The following ZNG1A variants were observed in gnomAD, a reference collection of about 807,000 sequenced individuals.
ZNG1A encodes zinc-regulated GTPase metalloprotein activator 1A.
chr9:146,175 T>C, the ZNG1A span: 5 of 1,581,846 alleles, frequency 3.2e-6, no homozygotes, highest in Non-Finnish European at 4.3e-6. Context: ...GGAAGAAAAC[T>C]AACGTGAGCA....
At chr9:122,295 A>T in the ZNG1A span, 3 of 1,429,374 alleles carry the variant, frequency 2.1e-6, no homozygotes, top group South Asian at 4.6e-5. Context: ...GTTTCTGTGT[A>T]TTGATTTTCT....
At chr9:173,431 G>A in the ZNG1A span, 2 of 1,605,100 alleles carry the variant, frequency 1.2e-6, no homozygotes. Flanking sequence ...ACAAAGATGA[G>A]GATAACTCAA....
At chr9:145,190 T>C in the ZNG1A span, among the ~76,000 whole-genome samples, 2 of 151,720 alleles carry the variant, frequency 1.3e-5, no homozygotes, top group African/African-American at 4.9e-5. Flanking sequence ...AGCCATCCCA[T>C]TACTGGGTAT....
the ZNG1A span, chr9:163,840 C>A: frequency 1.7e-5 from 19 of 1,101,008 alleles, no homozygotes; most frequent in Non-Finnish European, 2.1e-5. Context: ...TCACTTGAAC[C>A]CAGGAGGTAA....
At chr9:150,121 GTTTTTTTTTTTT>G in the ZNG1A span, 1 of 48,288 alleles carries the variant, frequency 2.1e-5, no homozygotes, top group Non-Finnish European at 4.7e-5. Context: ...CTCCGGTTTT[GTTTTTTTTTTTT>G]TTTTTTTTTT....
the ZNG1A span, among the ~76,000 whole-genome samples, chr9:165,128 A>G: frequency 6.6e-6 from 1 of 152,222 alleles, no homozygotes; most frequent in East Asian, 1.9e-4. Context: ...TCAGTCTCCA[A>G]AACGGGAAAC....
At chr9:161,328 C>A in the ZNG1A span, among the ~76,000 whole-genome samples, 31 of 151,376 alleles carry the variant, frequency 2.0e-4, no homozygotes, top group African/African-American at 7.1e-4. Context: ...ATTAGCTGGG[C>A]ATGGTGGTGT....
At chr9:169,179 T>A in the ZNG1A span, among the ~76,000 whole-genome samples, 1 of 152,102 alleles carries the variant, frequency 6.6e-6, no homozygotes, top group African/African-American at 2.4e-5. Flanking sequence ...GATCAAAGTA[T>A]CAACATGAAT....
the ZNG1A span, among the ~76,000 whole-genome samples, chr9:126,512 C>A: frequency 6.6e-6 from 1 of 152,006 alleles, no homozygotes; most frequent in Non-Finnish European, 1.5e-5. Context: ...TTCATGGTAG[C>A]CTTGAATATC....
the ZNG1A span, among the ~76,000 whole-genome samples, chr9:140,362 C>T: frequency 6.0e-5 from 9 of 151,070 alleles, no homozygotes; most frequent in Admixed American, 2.0e-4. Context: ...ACCCCTGACC[C>T]CCGAGCAGCC....
the ZNG1A span, among the ~76,000 whole-genome samples, chr9:143,736 G>T: frequency 8.3e-6 from 1 of 120,546 alleles, no homozygotes; most frequent in African/African-American, 3.6e-5. Context: ...ACTCAATTAG[G>T]AAAAGAGGAA....
At chr9:131,338 G>GT in the ZNG1A span, among the ~76,000 whole-genome samples, 1 of 148,114 alleles carries the variant, frequency 6.8e-6, no homozygotes, top group Non-Finnish European at 1.5e-5. Context: ...ACTCAGGTTT[G>GT]TTTATTTAGT....
the ZNG1A span, among the ~76,000 whole-genome samples, chr9:156,890 G>C: frequency 6.6e-6 from 1 of 151,874 alleles, no homozygotes; most frequent in Non-Finnish European, 1.5e-5. Context: ...AAACTGTTCT[G>C]GTTCTAAATA....
chr9:140,245 G>A, the ZNG1A span, among the ~76,000 whole-genome samples: 2 of 151,906 alleles, frequency 1.3e-5, no homozygotes, highest in Non-Finnish European at 1.5e-5. Context: ...AGTAACCTCT[G>A]CAGACTTAAG....
chr9:131,352 T>C, the ZNG1A span, among the ~76,000 whole-genome samples: 1 of 149,256 alleles, frequency 6.7e-6, no homozygotes, highest in Admixed American at 6.6e-5. Context: ...ATTTAGTCTG[T>C]TTCTTCTTTA....
the ZNG1A span, among the ~76,000 whole-genome samples, chr9:139,445 T>A: frequency 6.7e-6 from 1 of 149,968 alleles, no homozygotes; most frequent in African/African-American, 2.5e-5. Flanking sequence ...CTGCTGCACA[T>A]CCTCATGCCT....
the ZNG1A span, among the ~76,000 whole-genome samples, chr9:163,253 T>C: frequency 6.6e-6 from 1 of 151,796 alleles, no homozygotes; most frequent in East Asian, 1.9e-4. Context: ...TGCCCAAAAG[T>C]GTTCAGGTAA....
At chr9:145,680 C>T in the ZNG1A span, among the ~76,000 whole-genome samples, 1 of 148,884 alleles carries the variant, frequency 6.7e-6, no homozygotes, top group African/African-American at 2.5e-5. Flanking sequence ...CACCTGTACC[C>T]TAAAACTTAA....
the ZNG1A span, chr9:166,135 G>C: frequency 2.7e-5 from 3 of 110,304 alleles, no homozygotes; most frequent in African/African-American, 4.3e-5. Context: ...TCAGAACAAA[G>C]AGAAATGAGA....
Sources: allele counts gnomAD v4.1 joint callset (sites outside exome capture counted in the v4.1 genomes callset), GRCh38; gene constraint gnomAD v4.1.1; transcripts MANE v1.5; gene names NCBI Gene and HGNC (gene_info 2026-07-23, HGNC 2026-07-21).